RALY: variants seen among roughly 807,000 people sequenced by gnomAD.
The protein encoded by RALY is RALY heterogeneous nuclear ribonucleoprotein.
Under a neutral mutation model 30.7 loss-of-function variants are expected in RALY, and 15 were observed. That is an observed-to-expected ratio of 0.49 (90% CI 0.33 to 0.75). The LOEUF (loss-of-function observed/expected upper bound fraction) is 0.75, where lower values mean the gene tolerates loss of function less well. Among genes scored for constraint, RALY ranks in the 30% least tolerant of loss-of-function variants. RALY has a pLI of 0.02. For synonymous variants in RALY, 177 were observed against 170.8 expected (o/e 1.04, Z -0.28); for missense variants, 339 against 414.3 (o/e 0.82, Z 1.58).
chr20:34,076,283 T>C, intron 6 of RALY: 1 of 578,270 alleles, frequency 1.7e-6, no homozygotes, highest in South Asian at 2.1e-5. Flanking sequence ...AATGGTGCCA[T>C]CTTTCCTCTA....
Position 34,083,946 on chromosome 20 carries a change from AT to A in RALY, c.*4042del, listed in dbSNP as rs2122363832. 6.6e-6 allele frequency: 1 copy of A among 152,344 alleles called. No homozygotes were observed. The highest frequency in any genetic ancestry group is 2.4e-5 in the African/African-American group (1 of 41,574). The allele number at this position is 152,344 out of a possible 1,614,324, so 9.4% of individuals were successfully genotyped here. On this transcript the variant is annotated 3_prime_UTR_variant, in exon 10 of 10. Coordinates refer to ENST00000246194, the MANE Select transcript of RALY (RefSeq NM_016732.3). ...AGATTCTTCATAATAAACTTCCTCCATAACAGTAAACCATTTCCTGAACACC... is the reference window on the plus strand; with the variant it reads ...AGATTCTTCATAATAAACTTCCTCCAAACAGTAAACCATTTCCTGAACACC...
At chr20:34,013,129 C>T (rs993949428) in intron 1 of RALY, among the ~76,000 whole-genome samples, 8 of 152,054 alleles carry the variant, frequency 5.3e-5, no homozygotes, top group Middle Eastern at 3.4e-3. Flanking sequence ...TAATGTTCTG[C>T]GCATATTCAA....
intron 1 of RALY, among the ~76,000 whole-genome samples, chr20:34,006,071 G>A (rs1422948993): frequency 2.0e-5 from 3 of 152,206 alleles, no homozygotes; most frequent in Non-Finnish European, 4.4e-5. Context: ...AAGATATGCC[G>A]TGGTCACGCT....
At chr20:34,062,565 G>C (rs1411284660) in intron 2 of RALY, among the ~76,000 whole-genome samples, 1 of 152,252 alleles carries the variant, frequency 6.6e-6, no homozygotes, top group Non-Finnish European at 1.5e-5. Flanking sequence ...GCCTATGGCA[G>C]CCCTGCCAGG....
rs2033822625 is a variant in RALY, at chr20:34,074,580, G to T, written c.377+714G>T. On this transcript the variant is annotated intron_variant, in intron 5 of 9. Coordinates refer to ENST00000246194, the MANE Select transcript of RALY (RefSeq NM_016732.3). ...ACCCCGCCCCTGTGAGTCGTTTCAG[G>T]AGACAGTGTGGTGTAGTGGAAAGTG... Among the ~76,000 whole-genome samples the T allele has an allele frequency of 2.6e-5, 4 of 152,158 alleles. No individual in the cohort carries two copies. In the South Asian group the frequency reaches 8.3e-4, roughly 31 times the overall value.
chr20:34,075,821 CGCCCTGGTG>C, intron 5 of RALY, 44 bp from the exon 6 acceptor site: 1 of 1,561,058 alleles, frequency 6.4e-7, no homozygotes, highest in East Asian at 2.3e-5. Flanking sequence ...GCTGCAATAC[CGCCCTGGTG>C]GCCACAAGCC....
rs60912814 is a variant in RALY, at chr20:34,053,383, ATTTTTTTTTTTTTT to A, written c.-9-18664_-9-18651del. ...GCCAACATTTAGTAGATGTTCAATAATTTTTTTTTTTTTTTTTTTTTTTTTTTTTTTTGAGACAA... is the reference window on the plus strand; with the variant it reads ...GCCAACATTTAGTAGATGTTCAATAATTTTTTTTTTTTTTTTTTGAGACAA... On this transcript the variant is annotated intron_variant, in intron 2 of 9. Coordinates refer to ENST00000246194, the MANE Select transcript of RALY (RefSeq NM_016732.3). Among the ~76,000 whole-genome samples, 28 of 54,142 alleles carry A rather than the reference ATTTTTTTTTTTTTT, an allele frequency of 5.2e-4. 1 individual carries two copies. The East Asian group carries it at 1.0e-2, about 19-fold the overall frequency. The allele number at this position is 54,142 out of a possible 152,430, so 35.5% of individuals were successfully genotyped here. A position where few individuals can be genotyped will look rare whatever the true frequency, so the allele number is the denominator to read the frequency against.
intron 1 of RALY, among the ~76,000 whole-genome samples, chr20:34,003,794 T>C (rs2031034830): frequency 6.6e-6 from 1 of 151,738 alleles, no homozygotes; most frequent in Non-Finnish European, 1.5e-5. Flanking sequence ...CGCCCGCCAC[T>C]ACGCCTGGCT....
intron 2 of RALY, among the ~76,000 whole-genome samples, chr20:34,068,644 A>G (rs894928863): frequency 6.6e-6 from 1 of 152,218 alleles, no homozygotes; most frequent in Non-Finnish European, 1.5e-5. Context: ...AAGGTTCTGA[A>G]TGAAGCTAAT....
rs1003755151 is a variant in RALY at position 34,068,599 on chromosome 20, A to G, written c.-9-3467A>G. On this transcript the variant is annotated intron_variant, in intron 2 of 9. Transcript: ENST00000246194. ...TGCAGGGCAGAGTAATAAGAGTACA[A>G]ATAGAGACCCATGTACCATATGTTT... Among the ~76,000 whole-genome samples the G allele has an allele frequency of 2.6e-5, 4 of 152,226 alleles. No individual in the cohort carries two copies. In the East Asian group the frequency reaches 7.7e-4, roughly 29 times the overall value.
chr20:34,035,152 C>CAAAAAAAAAAAAA (rs61301033), intron 2 of RALY, among the ~76,000 whole-genome samples: 2 of 32,524 alleles, frequency 6.1e-5, no homozygotes, highest in Admixed American at 5.5e-4. Flanking sequence ...GACTCCATCT[C>CAAAAAAAAAAAAA]AAAAAAAAAA....
At chr20:34,043,736 T>TG (rs558599324) in intron 2 of RALY, among the ~76,000 whole-genome samples, 2 of 152,172 alleles carry the variant, frequency 1.3e-5, no homozygotes, top group Non-Finnish European at 2.9e-5. Flanking sequence ...TTCTTTGTTG[T>TG]GGGGCCATGT....
intron 1 of RALY, among the ~76,000 whole-genome samples, chr20:34,011,641 T>G (rs1424673175): frequency 2.0e-5 from 3 of 152,130 alleles, no homozygotes; most frequent in Admixed American, 1.3e-4. Flanking sequence ...ATTCCCACAT[T>G]AAACATCCTC....
At chr20:34,061,721 A>G (rs1316847465) in intron 2 of RALY, among the ~76,000 whole-genome samples, 3 of 152,178 alleles carry the variant, frequency 2.0e-5, no homozygotes, top group African/African-American at 7.2e-5. Context: ...CTGTATGTGT[A>G]TTATTTAATC....
intron 1 of RALY, among the ~76,000 whole-genome samples, chr20:33,999,579 C>T (rs1004012105): frequency 1.3e-5 from 2 of 152,202 alleles, no homozygotes; most frequent in African/African-American, 2.4e-5. Context: ...CTGGTCTTTT[C>T]GTGTACTAGT....
intron 1 of RALY, among the ~76,000 whole-genome samples, chr20:34,012,586 C>T (rs1467313931): frequency 9.2e-5 from 14 of 152,126 alleles, no homozygotes; most frequent in Admixed American, 9.2e-4. Context: ...TGTAATGCTA[C>T]TGCAGTGCGC....
chr20:34,061,736 C>T (rs1454752335), intron 2 of RALY, among the ~76,000 whole-genome samples: 7 of 152,136 alleles, frequency 4.6e-5, no homozygotes, highest in Non-Finnish European at 8.8e-5. Flanking sequence ...TTAATCTTCT[C>T]CACAATTCTG....
At chr20:34,028,277 C>A (rs1323694582) in intron 1 of RALY, among the ~76,000 whole-genome samples, 2 of 147,382 alleles carry the variant, frequency 1.4e-5, no homozygotes, top group Non-Finnish European at 3.0e-5. Context: ...CAGAGCAAGA[C>A]CCTATCTTAA....
At chr20:34,068,652 A>G (rs1324784902) in intron 2 of RALY, among the ~76,000 whole-genome samples, 1 of 152,244 alleles carries the variant, frequency 6.6e-6, no homozygotes, top group African/African-American at 2.4e-5. Context: ...GAATGAAGCT[A>G]ATAAATTGTG....
Sources: allele counts gnomAD v4.1 joint callset (sites outside exome capture counted in the v4.1 genomes callset), GRCh38; gene constraint gnomAD v4.1.1; transcripts MANE v1.5; gene names NCBI Gene and HGNC (gene_info 2026-07-23, HGNC 2026-07-21).